PTPRR: variants seen among roughly 807,000 people sequenced by gnomAD.
PTPRR encodes receptor-type tyrosine-protein phosphatase R.
Under a neutral mutation model 77.2 loss-of-function variants are expected in PTPRR, and 38 were observed. The ratio of observed to expected loss-of-function variants is 0.49; its 90% CI spans 0.38 to 0.65. PTPRR has a LOEUF of 0.65. PTPRR is among the 30% of genes least tolerant of loss of function. PTPRR has a pLI of 0.00. For missense variants in PTPRR, 744 were observed against 799.2 expected, an observed-to-expected ratio of 0.93 and a Z score of 0.83; for synonymous variants, 299 against 283.1, an observed-to-expected ratio of 1.06 and a Z score of -0.57.
At chr12:70,809,108 C>T (rs1394376758) in intron 2 of PTPRR, among the ~76,000 whole-genome samples, 1 of 152,140 alleles carries the variant, frequency 6.6e-6, no homozygotes, top group Non-Finnish European at 1.5e-5. Flanking sequence ...GGTGTGGTCA[C>T]ATGGCACAGT....
intron 2 of PTPRR, chr12:70,789,130 G>T (rs758090868): frequency 2.4e-6 from 1 of 422,354 alleles, no homozygotes; most frequent in Non-Finnish European, 4.2e-6. Context: ...TGTAAGATGA[G>T]AACTTTATGG....
intron 10 of PTPRR, among the ~76,000 whole-genome samples, chr12:70,662,837 G>A (rs1886845343): frequency 6.6e-6 from 1 of 151,272 alleles, no homozygotes; most frequent in Non-Finnish European, 1.5e-5. Context: ...AGTTTCATAT[G>A]TGCCTATTAA....
chr12:70,831,707 TGGCTCACCTGC>T (rs1892215848), intron 2 of PTPRR, among the ~76,000 whole-genome samples: 1 of 152,208 alleles, frequency 6.6e-6, no homozygotes, highest in Non-Finnish European at 1.5e-5. Flanking sequence ...GCCTGCCTTC[TGGCTCACCTGC>T]ATGTAGCCAC....
In PTPRR at chr12:70,751,165, C is replaced by T. The variant is rs1890383957; in HGVS notation, c.738+3026G>A. 3.3e-5 allele frequency among the ~76,000 whole-genome samples: 5 copies of T among 152,160 alleles called. No homozygotes were observed. The South Asian group carries it at 8.3e-4, about 25-fold the overall frequency. On this transcript the variant is annotated intron_variant, in intron 5 of 13. Transcript: ENST00000283228. Reference sequence around the variant, plus strand: ...CGCTCATCCTCATTCTGAACGTGTCCCTCTCCCAGGAAATGAGAACATTTC... The same window carrying T: ...CGCTCATCCTCATTCTGAACGTGTCTCTCTCCCAGGAAATGAGAACATTTC...
At chr12:70,721,147 C>T (rs1185380393) in intron 6 of PTPRR, among the ~76,000 whole-genome samples, 1 of 152,152 alleles carries the variant, frequency 6.6e-6, no homozygotes, top group Non-Finnish European at 1.5e-5. Flanking sequence ...CCTGCAAAAG[C>T]TCTTACTTAC....
At chr12:70,754,567 G>A (rs755313520) in intron 4 of PTPRR, 10 of 1,596,510 alleles carry the variant, frequency 6.3e-6, no homozygotes, top group Middle Eastern at 1.6e-4. Flanking sequence ...ATCCCTCAGC[G>A]TCTCTCTTGG....
chr12:70,780,558 C>G (rs906032596), intron 2 of PTPRR, among the ~76,000 whole-genome samples: 1 of 151,886 alleles, frequency 6.6e-6, no homozygotes, highest in African/African-American at 2.4e-5. Context: ...TAGTTTTTTT[C>G]CTGATACATA....
chr12:70,739,495 G>T (rs181452263), intron 6 of PTPRR, among the ~76,000 whole-genome samples: 1 of 152,312 alleles, frequency 6.6e-6, no homozygotes, highest in African/African-American at 2.4e-5. Context: ...GAGATCTTCA[G>T]ATGTGAAGCA....
At chr12:70,905,217 A>G (rs992677640) in intron 1 of PTPRR, among the ~76,000 whole-genome samples, 5 of 151,978 alleles carry the variant, frequency 3.3e-5, no homozygotes, top group Non-Finnish European at 5.9e-5. Flanking sequence ...TGAGAAAATT[A>G]TCTTTTGATG....
chr12:70,918,792 T>C (rs1275933912), intron 1 of PTPRR, among the ~76,000 whole-genome samples: 1 of 152,238 alleles, frequency 6.6e-6, no homozygotes, highest in East Asian at 1.9e-4. Flanking sequence ...CTGTAATGAA[T>C]GTTTGTGTCA....
intron 5 of PTPRR, among the ~76,000 whole-genome samples, chr12:70,746,887 C>T (rs1223976142): frequency 6.6e-6 from 1 of 151,346 alleles, no homozygotes; most frequent in Non-Finnish European, 1.5e-5. Context: ...TTATGTCAGT[C>T]CACCTCCTTG....
At chr12:70,867,683 C>A (rs1429258327) in intron 2 of PTPRR, among the ~76,000 whole-genome samples, 1 of 152,050 alleles carries the variant, frequency 6.6e-6, no homozygotes, top group East Asian at 1.9e-4. Flanking sequence ...TTGGAAAAAA[C>A]TACTTTAAAC....
chr12:70,811,678 C>T (rs1250828277), intron 2 of PTPRR, among the ~76,000 whole-genome samples: 1 of 152,134 alleles, frequency 6.6e-6, no homozygotes, highest in African/African-American at 2.4e-5. Flanking sequence ...ATTTATTGAA[C>T]CTTTTGCATG....
chr12:70,672,208 C>T (rs1293721669), intron 10 of PTPRR: 22 of 1,574,214 alleles, frequency 1.4e-5, no homozygotes, highest in Non-Finnish European at 1.7e-5. Flanking sequence ...TGGAAGTGAC[C>T]TCCCTGGCTC....
intron 6 of PTPRR, among the ~76,000 whole-genome samples, chr12:70,706,350 C>G (rs954089): frequency 4.9e-4 from 74 of 151,758 alleles, no homozygotes; most frequent in African/African-American, 1.7e-3. Context: ...TTACCAATTT[C>G]GAGAACTGAA....
intron 6 of PTPRR, among the ~76,000 whole-genome samples, chr12:70,744,485 T>C: frequency 6.6e-6 from 1 of 152,244 alleles, no homozygotes; most frequent in East Asian, 1.9e-4. Context: ...AAGGGTTCAG[T>C]GTTTAAGGAC....
At chr12:70,856,306 A>G (rs1041884250) in intron 2 of PTPRR, among the ~76,000 whole-genome samples, 59 of 152,162 alleles carry the variant, frequency 3.9e-4, no homozygotes, top group African/African-American at 1.4e-3. Context: ...GGTGTGTGAA[A>G]CAAGTAATGG....
intron 2 of PTPRR, among the ~76,000 whole-genome samples, chr12:70,803,415 T>C (rs1223795348): frequency 6.6e-6 from 1 of 152,126 alleles, no homozygotes; most frequent in Non-Finnish European, 1.5e-5. Context: ...CAGAGTTGAA[T>C]ACTAAATCTA....
rs188324462 is a variant in PTPRR, at chr12:70,858,101, G to T, written c.357+34578C>A. On this transcript the variant is annotated intron_variant, in intron 2 of 13. Coordinates refer to ENST00000283228, the MANE Select transcript of PTPRR (RefSeq NM_002849.4). Reference sequence around the variant, plus strand: ...GACAGGCCATTCCTGTCCATTGAGAGATTCCGCTTATGGCCAGTTTTTGCT... The same window carrying T: ...GACAGGCCATTCCTGTCCATTGAGATATTCCGCTTATGGCCAGTTTTTGCT... Among the ~76,000 whole-genome samples the T allele has an allele frequency of 2.5e-3, 384 of 152,234 alleles. 1 individual carries two copies. The highest frequency in any genetic ancestry group is 4.1e-3 in the Non-Finnish European group (278 of 68,002).
Sources: gnomAD v4.1 joint callset for allele counts (sites outside exome capture counted in the v4.1 genomes callset) on GRCh38, gnomAD v4.1.1 for gene constraint, MANE v1.5 for transcripts, NCBI Gene and HGNC (gene_info 2026-07-23, HGNC 2026-07-21) for gene names.